TIAM1: variants seen among roughly 807,000 people sequenced by gnomAD.
TIAM1 encodes the protein rho guanine nucleotide exchange factor TIAM1.
TIAM1 carries 65 observed loss-of-function variants against 163.5 expected under a neutral mutation model. The observed-to-expected ratio is 0.40, with a 90% CI of 0.33 to 0.49. The LOEUF is 0.49. Among genes scored for constraint, TIAM1 ranks in the 20% least tolerant of loss-of-function variants. TIAM1 has a pLI of 0.77. For missense variants in TIAM1, 1,789 were observed against 2,044.7 expected (o/e 0.87, Z 2.41); for synonymous variants, 833 against 810.1 (o/e 1.03, Z -0.48).
chr21:31,250,446 C>T (rs186929883), intron 5 of TIAM1, among the ~76,000 whole-genome samples: 28 of 152,300 alleles, frequency 1.8e-4, no homozygotes, highest in South Asian at 1.0e-3. Flanking sequence ...ATGGGGCCAA[C>T]GCAAGTCCTA....
Position 31,155,726 on chromosome 21 carries a change from A to G in TIAM1, c.2992-1300T>C, listed in dbSNP as rs541454152. The stretch of plus-strand genomic sequence containing the variant: ...TCAACATGTTGGCCAGGATGGTCTC[A>G]ATCTGACCTTGTGATCCACCCGCCT... On this transcript the variant is annotated intron_variant, in intron 16 of 27. Coordinates refer to ENST00000541036, the MANE Select transcript of TIAM1 (RefSeq NM_001353694.2). Among the ~76,000 whole-genome samples the G allele has an allele frequency of 3.2e-3, 482 of 152,110 alleles. 1 individual carries two copies. Among genetic ancestry groups the G allele is most frequent in the Middle Eastern group, 0.014 (4 of 294 alleles).
At chr21:31,377,399 T>C (rs533333080) in intron 2 of TIAM1, among the ~76,000 whole-genome samples, 2 of 152,206 alleles carry the variant, frequency 1.3e-5, no homozygotes, top group Admixed American at 6.5e-5. Context: ...CTCGTCTGAC[T>C]ACTCAACTCA....
intron 1 of TIAM1, among the ~76,000 whole-genome samples, chr21:31,535,577 T>C (rs534473131): frequency 1.2e-4 from 18 of 152,076 alleles, no homozygotes; most frequent in African/African-American, 4.1e-4. Context: ...ATCTAAAGAT[T>C]TTCTAAGAGG....
chr21:31,375,448 C>T (rs2076666715), intron 2 of TIAM1, among the ~76,000 whole-genome samples: 2 of 152,192 alleles, frequency 1.3e-5, no homozygotes, highest in African/African-American at 4.8e-5. Context: ...TTATCAGAAT[C>T]ACTTTCAGTG....
chr21:31,244,315 C>A (rs553963482), intron 6 of TIAM1, among the ~76,000 whole-genome samples: 1 of 152,166 alleles, frequency 6.6e-6, no homozygotes, highest in Admixed American at 6.5e-5. Flanking sequence ...TATATTCTTA[C>A]GGTCCTTGTC....
intron 2 of TIAM1, among the ~76,000 whole-genome samples, chr21:31,328,930 G>T (rs2075584585): frequency 1.3e-5 from 2 of 152,098 alleles, no homozygotes; most frequent in Non-Finnish European, 2.9e-5. Flanking sequence ...ACAGGTGTGA[G>T]CTACCATACC....
Position 31,266,459 on chromosome 21 carries a change from A to T in TIAM1, c.514T>A (p.Ser172Thr). The part of the protein sequence containing the change: ...TASFKKKRSK[S>T]ADIWREDSLE... The stretch of plus-strand genomic sequence containing the variant: ...CTGTCCTCCCGCCAGATGTCTGCAG[A>T]TTTGGAGCGTTTCTTCTTAAAGCTC... The change falls in exon 4 of 28, where the codon TCT (serine) becomes ACT (threonine). Residue 172 changes from serine to threonine, a missense_variant. Ser to Thr is a moderately conservative substitution (Grantham distance 58, BLOSUM62 1). Transcript: ENST00000541036. 1 of 1,614,184 alleles carries T rather than the reference A, an allele frequency of 6.2e-7. No homozygotes were observed. The highest frequency in any genetic ancestry group is 8.5e-7 in the Non-Finnish European group (1 of 1,180,034).
chr21:31,289,956 G>A (rs2073955114), intron 2 of TIAM1, among the ~76,000 whole-genome samples: 2 of 152,118 alleles, frequency 1.3e-5, no homozygotes, highest in African/African-American at 4.8e-5. Flanking sequence ...GAATCAATGA[G>A]TATACTCCTG....
At chr21:31,464,035 C>T (rs1198966511) in exon 2 of TIAM1, 2 of 152,160 alleles carry the variant, frequency 1.3e-5, no homozygotes, top group Non-Finnish European at 2.9e-5. Flanking sequence ...CGACCATCAA[C>T]CTGGAAGGTA....
chr21:31,245,706 A>G, intron 5 of TIAM1, 46 bp from the exon 6 acceptor site: 3 of 1,371,870 alleles, frequency 2.2e-6, no homozygotes, highest in Non-Finnish European at 2.9e-6. Flanking sequence ...AGTGCTTGGG[A>G]AACAAAAGAA....
At position 31,294,729 on chromosome 21, in the gene TIAM1, G is replaced by A. The variant is rs192102593; in HGVS notation, c.-188-17821C>T. On this transcript the variant is annotated intron_variant, in intron 2 of 27. Transcript: ENST00000541036. ...TTTCCATTCAAAATAGCATCCATGA[G>A]AAGAAGGAGGGAAATTAATCAAGTG... 3.9e-5 allele frequency among the ~76,000 whole-genome samples: 6 copies of A among 152,320 alleles called. No individual in the cohort carries two copies. In the East Asian group the frequency reaches 1.2e-3, roughly 29 times the overall value.
At chr21:31,503,670 G>A (rs757863093) in intron 1 of TIAM1, among the ~76,000 whole-genome samples, 8 of 147,324 alleles carry the variant, frequency 5.4e-5, no homozygotes, top group Admixed American at 1.4e-4. Flanking sequence ...AAACCAAAAC[G>A]GCAGGCTGTA....
At chr21:31,326,085 G>T (rs563784919) in intron 2 of TIAM1, among the ~76,000 whole-genome samples, 1 of 152,088 alleles carries the variant, frequency 6.6e-6, no homozygotes, top group Non-Finnish European at 1.5e-5. Flanking sequence ...GAGCAAAACT[G>T]CTGTGCATCT....
chr21:31,252,261 G>C, intron 4 of TIAM1, 72 bp from the exon 5 acceptor site: 1 of 1,507,560 alleles, frequency 6.6e-7, no homozygotes, highest in Non-Finnish European at 8.9e-7. Context: ...ACGTGGAGAA[G>C]AGCCCTGGGT....
At chr21:31,272,979 T>C (rs1316661249) in intron 3 of TIAM1, among the ~76,000 whole-genome samples, 1 of 152,180 alleles carries the variant, frequency 6.6e-6, no homozygotes, top group Non-Finnish European at 1.5e-5. Flanking sequence ...AAGTTGTTAA[T>C]ATCTGGTGCC....
intron 6 of TIAM1, among the ~76,000 whole-genome samples, chr21:31,240,430 C>A (rs930263699): frequency 6.6e-6 from 1 of 152,150 alleles, no homozygotes; most frequent in African/African-American, 2.4e-5. Flanking sequence ...CTATTTCCAT[C>A]TTTTTCTCCT....
rs1335252196 is a variant in TIAM1, at chr21:31,118,518, T to C, written c.*1850A>G. Reference sequence around the variant, plus strand: ...CTTCTTTCAGCTTATAAAAGAAATATATAAGAACTTTTGACATAGACACGT... The same window carrying C: ...CTTCTTTCAGCTTATAAAAGAAATACATAAGAACTTTTGACATAGACACGT... On this transcript the variant is annotated 3_prime_UTR_variant, in exon 28 of 28. Transcript: ENST00000541036. 1.1e-5 allele frequency: 5 copies of C among 457,700 alleles called. No homozygotes were observed. The highest frequency in any genetic ancestry group is 6.6e-5 in the South Asian group (4 of 60,916). 28.4% of individuals were successfully genotyped at this position (457,700 alleles called of 1,614,324 possible). A position where few individuals can be genotyped will look rare whatever the true frequency, so the allele number is the denominator to read the frequency against.
intron 2 of TIAM1, among the ~76,000 whole-genome samples, chr21:31,313,356 C>A (rs546297384): frequency 6.6e-6 from 1 of 152,082 alleles, no homozygotes; most frequent in South Asian, 2.1e-4. Context: ...TTTTTTTCCA[C>A]TACATTTACT....
At chr21:31,400,589 C>T (rs980445167) in intron 2 of TIAM1, among the ~76,000 whole-genome samples, 1 of 152,174 alleles carries the variant, frequency 6.6e-6, no homozygotes, top group Non-Finnish European at 1.5e-5. Flanking sequence ...ATCCTCTCAA[C>T]GACATGATGA....
Sources: allele counts gnomAD v4.1 joint callset (sites outside exome capture counted in the v4.1 genomes callset), GRCh38; gene constraint gnomAD v4.1.1; transcripts MANE v1.5; gene names NCBI Gene and HGNC (gene_info 2026-07-23, HGNC 2026-07-21).